DDRGK1: variants seen among roughly 807,000 people sequenced by gnomAD.
DDRGK1 encodes the protein DDRGK domain-containing protein 1.
A neutral mutation model predicts 45.8 loss-of-function variants in DDRGK1; 38 were observed. The observed-to-expected ratio is 0.83, with a 90% CI of 0.64 to 1.09. The LOEUF (loss-of-function observed/expected upper bound fraction) is 1.09, where lower values mean the gene tolerates loss of function less well. Ranked by LOEUF, DDRGK1 falls within the 50% of genes least tolerant of loss-of-function variation. The probability of loss-of-function intolerance (pLI) is 0.00; values close to 1 mark genes in which losing one functional copy is unlikely to be tolerated. For missense variants in DDRGK1, 403 were observed against 419.9 expected (o/e 0.96, Z 0.35); for synonymous variants, 171 against 168.7 (o/e 1.01, Z -0.11).
intron 5 of DDRGK1, 95 bp downstream of exon 5, chr20:3,195,136 G>A: frequency 6.3e-7 from 1 of 1,593,462 alleles, no homozygotes; most frequent in Admixed American, 1.7e-5. Flanking sequence ...TCACTGCCTG[G>A]CCAGGGGCGT....
At chr20:3,202,495 C>T (rs753319972) in intron 2 of DDRGK1, among the ~76,000 whole-genome samples, 1 of 152,180 alleles carries the variant, frequency 6.6e-6, no homozygotes, top group South Asian at 2.1e-4. Context: ...CAAACCCTGG[C>T]TGAAATGACA....
intron 4 of DDRGK1, among the ~76,000 whole-genome samples, chr20:3,199,220 G>C (rs997238097): frequency 1.3e-5 from 2 of 152,200 alleles, no homozygotes; most frequent in Non-Finnish European, 2.9e-5. Flanking sequence ...GTCAATATTA[G>C]TTGTGAGGAA....
intron 6 of DDRGK1, among the ~76,000 whole-genome samples, 166 bp downstream of exon 6, chr20:3,194,664 G>A (rs1223999344): frequency 6.6e-6 from 1 of 152,224 alleles, no homozygotes; most frequent in African/African-American, 2.4e-5. Flanking sequence ...GGGGTTGGAG[G>A]GAGAGAAACT....
rs1456867023 is a variant in DDRGK1, at chr20:3,204,651, A to G, written c.-24T>C. 3 of 1,559,474 alleles carry G rather than the reference A, an allele frequency of 1.9e-6. No individual in the cohort carries two copies. The highest frequency in any genetic ancestry group is 1.9e-5 in the Admixed American group (1 of 52,368). On this transcript the variant is annotated 5_prime_UTR_variant, in exon 1 of 9. Coordinates refer to ENST00000354488, the MANE Select transcript of DDRGK1 (RefSeq NM_023935.3). ...ATGACGAGGGCCTCAGTGCAGAACC[A>G]CTGCGTCCACCCTGAGGCCGGGATC...
At position 3,200,353 on chromosome 20, in the gene DDRGK1, C is replaced by A. The variant is rs534614389; in HGVS notation, c.397G>T (p.Ala133Ser). The change falls in exon 3 of 9, where the codon GCC becomes TCC. Residue 133 changes from alanine to serine, a missense_variant. Transcript: ENST00000354488. ...TCCCTCCGGCTTGCCTCACGCTGGG[C>A]CTTTCGCGCTTGTTTCTCCTCCAGC... ...RKLEEKQARK[A>S]QREAEEAERE... 3 of 1,566,172 alleles carry A rather than the reference C, an allele frequency of 1.9e-6. No individual in the cohort carries two copies. The highest frequency in any genetic ancestry group is 1.7e-6 in the Non-Finnish European group (2 of 1,154,942).
At chr20:3,196,725 T>C (rs1037961666) in intron 4 of DDRGK1, among the ~76,000 whole-genome samples, 3 of 151,832 alleles carry the variant, frequency 2.0e-5, no homozygotes, top group Non-Finnish European at 2.9e-5. Context: ...AGGCAAGTAA[T>C]ATACAAGATG....
In DDRGK1 at chr20:3,198,979, C is replaced by CAA. The variant is rs386393118; in HGVS notation, c.510+1020_510+1021dup. ...AAACACGGTGAAACCCAATCTCTACCAAAAAAAAAAAAAAAAAATTAGCCA... is the reference window on the plus strand; with the variant it reads ...AAACACGGTGAAACCCAATCTCTACCAAAAAAAAAAAAAAAAAAAATTAGCCA... On this transcript the variant is annotated intron_variant, in intron 4 of 8. Coordinates refer to ENST00000354488, the MANE Select transcript of DDRGK1 (RefSeq NM_023935.3). 8.7e-5 allele frequency among the ~76,000 whole-genome samples: 10 copies of CAA among 115,108 alleles called. 2 individuals are homozygous for CAA. The highest frequency in any genetic ancestry group is 5.3e-4 in the East Asian group (2 of 3,786). 75.5% of individuals were successfully genotyped at this position (115,108 alleles called of 152,430 possible).
At chr20:3,202,911 G>A (rs1255980074) in intron 2 of DDRGK1, among the ~76,000 whole-genome samples, 1 of 152,190 alleles carries the variant, frequency 6.6e-6, no homozygotes. Context: ...GAAATCCTCA[G>A]GGAATAAGTG....
At chr20:3,190,867 C>A in intron 8 of DDRGK1, 48 bp from the exon 9 acceptor site, 1 of 1,563,906 alleles carries the variant, frequency 6.4e-7, no homozygotes. Context: ...GGGCGTTCCC[C>A]ATCTGGCCTG....
At chr20:3,199,109 C>T (rs1362365338) in intron 4 of DDRGK1, among the ~76,000 whole-genome samples, 1 of 151,610 alleles carries the variant, frequency 6.6e-6, no homozygotes, top group African/African-American at 2.4e-5. Flanking sequence ...GAGCCAAGAT[C>T]GTGCCATTGC....
intron 8 of DDRGK1, 84 bp from the exon 9 acceptor site, chr20:3,190,903 C>A: frequency 6.6e-7 from 1 of 1,508,928 alleles, no homozygotes. Context: ...TCCTTCACAG[C>A]TGGCTCAGGG....
intron 4 of DDRGK1, among the ~76,000 whole-genome samples, chr20:3,198,830 G>C (rs1194851673): frequency 7.0e-6 from 1 of 143,884 alleles, no homozygotes; most frequent in African/African-American, 2.6e-5. Flanking sequence ...AAAGGATACT[G>C]GGAAAAAACA....
intron 6 of DDRGK1, among the ~76,000 whole-genome samples, chr20:3,194,353 G>A (rs780291114): frequency 7.9e-5 from 12 of 152,212 alleles, no homozygotes; most frequent in Middle Eastern, 3.2e-3. Flanking sequence ...GGCGGCCTGC[G>A]CAGTGGCTGC....
At chr20:3,197,101 T>C (rs531907299) in intron 4 of DDRGK1, among the ~76,000 whole-genome samples, 1 of 151,536 alleles carries the variant, frequency 6.6e-6, no homozygotes, top group South Asian at 2.1e-4. Flanking sequence ...CGGGTGCCTG[T>C]AATCCCAGCT....
In DDRGK1 at chr20:3,191,209, C is replaced by T. The variant is rs1043710536; in HGVS notation, c.759G>A (p.Leu253=). 1.9e-6 allele frequency: 3 copies of T among 1,614,244 alleles called. No homozygotes were observed. Among genetic ancestry groups the T allele is most frequent in the Non-Finnish European group, 2.5e-6 (3 of 1,180,046 alleles). Reference sequence around the variant, plus strand: ...TCTCACCTGTTATAGTCCCCTCAGCCAGCAGGTCCTGGATGCGATTTATGG... The same window carrying T: ...TCTCACCTGTTATAGTCCCCTCAGCTAGCAGGTCCTGGATGCGATTTATGG... ...QDTINRIQDL[L]AEGTITGVID... Residue 253 remains leucine (L), a synonymous_variant, in exon 8 of 9, where the codon CTG becomes CTA. Transcript: ENST00000354488.
chr20:3,203,419 G>T lies in DDRGK1; in HGVS notation c.92-3C>A, dbSNP rs779984335. ...ATTGTGCAGTGGCTCTTGGCCGGCT[G>T]TAGGGAAGACAGAAATGACAATGCT... On this transcript the variant is annotated splice_polypyrimidine_tract_variant and splice_region_variant and intron_variant, in intron 1 of 8. Transcript: ENST00000354488. The T allele has an allele frequency of 6.4e-7, 1 of 1,552,408 alleles. No individual in the cohort carries two copies. Among genetic ancestry groups the T allele is most frequent in the South Asian group, 1.2e-5 (1 of 84,022 alleles).
chr20:3,191,957 C>A (rs2066991188), intron 6 of DDRGK1, 136 bp from the exon 7 acceptor site: 1 of 703,926 alleles, frequency 1.4e-6, no homozygotes, highest in Non-Finnish European at 2.3e-6. Context: ...TCCTGTAGGA[C>A]AGCCTTGCTC....
Position 3,195,257 on chromosome 20 carries a change from C to A in DDRGK1, c.607G>T (p.Val203Leu). Residue 203 changes from valine to leucine, a missense_variant, in exon 5 of 9, where the codon GTA becomes TTA. Val to Leu is a conservative substitution (Grantham distance 32, BLOSUM62 1). Coordinates refer to ENST00000354488, the MANE Select transcript of DDRGK1 (RefSeq NM_023935.3). ...KEAFVVEEEG[V>L]GETMTEEQSQ... ...TGTTCCTCAGTCATGGTCTCTCCTA[C>A]GCCTTCCTCCTCCACCACAAAGGCC... The A allele has an allele frequency of 6.2e-7, 1 of 1,614,062 alleles. No homozygotes were observed. The highest frequency in any genetic ancestry group is 8.5e-7 in the Non-Finnish European group (1 of 1,179,978).
At chr20:3,199,419 G>A (rs1473699996) in intron 4 of DDRGK1, among the ~76,000 whole-genome samples, 1 of 152,186 alleles carries the variant, frequency 6.6e-6, no homozygotes, top group African/African-American at 2.4e-5. Flanking sequence ...CTGCCATCCA[G>A]GATCCTGGGA....
Sources: allele counts gnomAD v4.1 joint callset (sites outside exome capture counted in the v4.1 genomes callset), GRCh38; gene constraint gnomAD v4.1.1; transcripts MANE v1.5; gene names NCBI Gene and HGNC (gene_info 2026-07-23, HGNC 2026-07-21).